The following GPHN variants were observed in gnomAD, a reference collection of about 807,000 sequenced individuals.
The protein encoded by GPHN is gephyrin.
Under a neutral mutation model 95.5 loss-of-function variants are expected in GPHN, and 17 were observed. The observed-to-expected ratio is 0.18, with a 90% CI of 0.12 to 0.27. GPHN has a LOEUF of 0.27. Among genes scored for constraint, GPHN ranks in the 10% least tolerant of loss-of-function variants. The pLI is 1.00. For synonymous variants in GPHN, 320 were observed against 322.5 expected, an observed-to-expected ratio of 0.99 and a Z score of 0.08; for missense variants, 660 against 978.1, an observed-to-expected ratio of 0.67 and a Z score of 4.34.
the GPHN span, among the ~76,000 whole-genome samples, chr14:67,213,959 G>A: frequency 7.9e-4 from 120 of 152,280 alleles, no homozygotes; most frequent in Non-Finnish European, 1.6e-3. Context: ...TGCATAAATG[G>A]CTTCTTTTGA....
the GPHN span, chr14:67,579,866 G>GA: frequency 1.2e-6 from 2 of 1,600,618 alleles, no homozygotes; most frequent in Non-Finnish European, 8.5e-7. Flanking sequence ...TGCCTGCAGG[G>GA]AAGTGTCAAG....
chr14:67,119,516 G>A (rs955955792), intron 16 of GPHN, among the ~76,000 whole-genome samples: 1 of 152,168 alleles, frequency 6.6e-6, no homozygotes, highest in Non-Finnish European at 1.5e-5. Flanking sequence ...TAGGCCAGGC[G>A]CAGTGGCTCA....
At chr14:67,665,444 T>G in the GPHN span, among the ~76,000 whole-genome samples, 1 of 151,882 alleles carries the variant, frequency 6.6e-6, no homozygotes, top group Non-Finnish European at 1.5e-5. Context: ...GCTAATTTTT[T>G]TTTTGGTAGA....
At chr14:67,600,152 G>A in the GPHN span, 25 of 1,591,186 alleles carry the variant, frequency 1.6e-5, no homozygotes, top group Non-Finnish European at 2.0e-5. Context: ...TAGCGGCGCT[G>A]CAGCGCCAGG....
chr14:67,482,595 A>T, the GPHN span, among the ~76,000 whole-genome samples: 2 of 152,178 alleles, frequency 1.3e-5, no homozygotes, highest in Non-Finnish European at 2.9e-5. Flanking sequence ...CCCTGAGGCA[A>T]CGCAGCGGGG....
At chr14:67,436,011 A>C in the GPHN span, among the ~76,000 whole-genome samples, 1 of 152,230 alleles carries the variant, frequency 6.6e-6, no homozygotes, top group Non-Finnish European at 1.5e-5. Flanking sequence ...TGCTAAAGCA[A>C]TTGTGAGCTT....
the GPHN span, among the ~76,000 whole-genome samples, chr14:67,282,242 A>G: frequency 6.6e-6 from 1 of 152,124 alleles, no homozygotes; most frequent in East Asian, 1.9e-4. Flanking sequence ...ATCAAACTGT[A>G]AGAGAAGTAC....
intron 2 of GPHN, among the ~76,000 whole-genome samples, chr14:66,703,462 A>C (rs937516540): frequency 6.6e-6 from 1 of 152,222 alleles, no homozygotes; most frequent in Non-Finnish European, 1.5e-5. Context: ...GAAACCCTAC[A>C]AGCCAGAAGA....
the GPHN span, chr14:67,617,346 G>A: frequency 6.6e-6 from 1 of 152,112 alleles, no homozygotes; most frequent in Non-Finnish European, 1.5e-5. Context: ...GAAAAAAATA[G>A]AACAAGGTGT....
At chr14:67,113,253 A>G (rs1163782432) in intron 16 of GPHN, 82 bp downstream of exon 16, 2 of 1,212,592 alleles carry the variant, frequency 1.6e-6, no homozygotes, top group Non-Finnish European at 2.4e-6. Flanking sequence ...TGTTGTAAAT[A>G]GAATGTTGTA....
chr14:67,532,378 T>C, the GPHN span, among the ~76,000 whole-genome samples: 1 of 152,186 alleles, frequency 6.6e-6, no homozygotes, highest in Non-Finnish European at 1.5e-5. Context: ...TGTTTTGAAG[T>C]GTGGATCCCT....
chr14:66,965,255 C>G lies in GPHN; in HGVS notation c.893C>G (p.Thr298Ser), dbSNP rs1447925769. 1 of 1,612,372 alleles carries G rather than the reference C, an allele frequency of 6.2e-7. No individual in the cohort carries two copies. Among genetic ancestry groups the G allele is most frequent in the African/African-American group, 1.3e-5 (1 of 74,878 alleles). The change falls in exon 9 of 23, where the codon ACT becomes AGT. Residue 298 changes from threonine to serine, a missense_variant. Thr to Ser is a moderately conservative substitution (Grantham distance 58, BLOSUM62 1). Transcript: ENST00000478722. ...VLPRDTASLSTTPSESPRAQA... is the reference protein window; with the variant it reads ...VLPRDTASLSSTPSESPRAQA... ...CCACGAGACACAGCCTCCCTCAGCACTACTCCTTCAGAATCGCCTCGTGCT... is the reference window on the plus strand; with the variant it reads ...CCACGAGACACAGCCTCCCTCAGCAGTACTCCTTCAGAATCGCCTCGTGCT...
At chr14:67,059,965 T>C (rs2075758620) in intron 11 of GPHN, among the ~76,000 whole-genome samples, 1 of 152,176 alleles carries the variant, frequency 6.6e-6, no homozygotes. Context: ...TTTTGTTTAT[T>C]ATTAAAGGTA....
the GPHN span, among the ~76,000 whole-genome samples, chr14:67,317,146 G>GTA: frequency 6.6e-6 from 1 of 152,152 alleles, no homozygotes; most frequent in Non-Finnish European, 1.5e-5. Flanking sequence ...TATACAAACA[G>GTA]TGTAATAAGT....
At chr14:67,047,285 C>T (rs1594928261) in intron 10 of GPHN, among the ~76,000 whole-genome samples, 1 of 150,484 alleles carries the variant, frequency 6.6e-6, no homozygotes, top group East Asian at 2.0e-4. Context: ...TATGTTCTCT[C>T]CTATGATCAA....
intron 17 of GPHN, 62 bp downstream of exon 17, chr14:67,122,439 CATT>C (rs1392685496): frequency 6.3e-6 from 9 of 1,428,204 alleles, no homozygotes; most frequent in Admixed American, 5.1e-5. Context: ...TTGGAATACT[CATT>C]AGGTGGAGTT....
intron 2 of GPHN, among the ~76,000 whole-genome samples, chr14:66,715,173 C>G (rs969337424): frequency 2.7e-4 from 41 of 152,014 alleles, no homozygotes; most frequent in African/African-American, 8.2e-4. Context: ...TTGGTCTGTT[C>G]AGGGTATGTA....
the GPHN span, among the ~76,000 whole-genome samples, chr14:67,220,225 C>G: frequency 6.6e-6 from 1 of 152,062 alleles, no homozygotes. Context: ...GGCTTGGGCT[C>G]AGGAGCTCAA....
chr14:66,764,170 G>GA (rs981408313), intron 2 of GPHN, among the ~76,000 whole-genome samples: 18 of 152,104 alleles, frequency 1.2e-4, no homozygotes, highest in Admixed American at 1.1e-3. Context: ...CCAATCCTTG[G>GA]AAAAATTGTC....
Sources: allele counts gnomAD v4.1 joint callset (sites outside exome capture counted in the v4.1 genomes callset), GRCh38; gene constraint gnomAD v4.1.1; transcripts MANE v1.5; gene names NCBI Gene and HGNC (gene_info 2026-07-23, HGNC 2026-07-21).